STRIP2: variants seen among roughly 807,000 people sequenced by gnomAD.
STRIP2 encodes the protein striatin-interacting protein 2.
A neutral mutation model predicts 107.1 loss-of-function variants in STRIP2; 84 were observed. The observed-to-expected ratio is 0.78, with a 90% confidence interval of 0.66 to 0.94. The LOEUF (loss-of-function observed/expected upper bound fraction) is 0.94, where lower values mean the gene tolerates loss of function less well. Among genes scored for constraint, STRIP2 ranks in the 40% least tolerant of loss-of-function variants. The pLI is 0.00. For synonymous variants in STRIP2, 394 were observed against 400.4 expected (o/e 0.98, Z 0.19); for missense variants, 888 against 1,034.2 (o/e 0.86, Z 1.94).
intron 18 of STRIP2, among the ~76,000 whole-genome samples, chr7:129,472,815 C>G (rs1319381764): frequency 1.2e-5 from 1 of 85,032 alleles, no homozygotes; most frequent in East Asian, 4.3e-4. Context: ...GAGACAGAGT[C>G]TTGTGCTGTC....
At chr7:129,478,434 C>T (rs965958532) in intron 18 of STRIP2, among the ~76,000 whole-genome samples, 5 of 152,016 alleles carry the variant, frequency 3.3e-5, no homozygotes, top group Non-Finnish European at 2.9e-5. Flanking sequence ...CGCTTGAACC[C>T]GGGAGGCAGA....
chr7:129,473,281 G>T (rs1798836850), intron 18 of STRIP2, among the ~76,000 whole-genome samples: 1 of 152,058 alleles, frequency 6.6e-6, no homozygotes, highest in African/African-American at 2.4e-5. Flanking sequence ...ACAAAACTAA[G>T]ACTTTATACA....
chr7:129,446,593 G>T lies in STRIP2; in HGVS notation c.274+2495G>T, dbSNP rs576089435. ...TAGTGCTGCAGCCATCCACTTTCAG[G>T]TGGTGCCTGCATATCGTGCAGAACC... On this transcript the variant is annotated intron_variant, in intron 3 of 20. Transcript: ENST00000249344. Among the ~76,000 whole-genome samples, 3 of 152,302 alleles carry T rather than the reference G, an allele frequency of 2.0e-5. No homozygotes were observed. In the East Asian group the frequency reaches 5.8e-4, roughly 29 times the overall value.
rs368928367 is a variant in STRIP2 at position 129,460,607 on chromosome 7, G to A, written c.1476+235G>A. 6 of 511,152 alleles carry A rather than the reference G, an allele frequency of 1.2e-5. No individual in the cohort carries two copies. In the East Asian group the frequency reaches 2.1e-4, roughly 18 times the overall value. The allele number at this position is 511,152 out of a possible 1,614,324, so 31.7% of individuals were successfully genotyped here. On this transcript the variant is annotated intron_variant, in intron 13 of 20. Coordinates refer to ENST00000249344, the MANE Select transcript of STRIP2 (RefSeq NM_020704.3). ...AATACAATGAAGAAAATTTAAACAG[G>A]ATGACATGAAAGAAGCATCAGTAGA...
rs780218934 is a variant in STRIP2, at chr7:129,434,533, GGC to G, written c.63_64del (p.Gly22GlnfsTer32). 6.6e-7 allele frequency: 1 copy of G among 1,518,346 alleles called. No individual in the cohort carries two copies. Among genetic ancestry groups the G allele is most frequent in the South Asian group, 1.2e-5 (1 of 82,102 alleles). The allele number at this position is 1,518,346 out of a possible 1,614,324, so 94.1% of individuals were successfully genotyped here. On this transcript the variant is annotated frameshift_variant, in exon 1 of 21. Coordinates refer to ENST00000249344, the MANE Select transcript of STRIP2 (RefSeq NM_020704.3). LOFTEE classifies it high-confidence loss of function. ...GCCCGCAAATGGCAATGGCAACGGC[GGC>G]GGCAAAGGGAAGCAGGCGGCGCCCA... ...GPPANGNGNG[G>X]GKGKQAAPKG...
rs1371814236 is a variant in STRIP2, at chr7:129,460,384, A to G, written c.1476+12A>G. ...GCCCTATGTCTTTGGTGAGCCAAGG[A>G]AGCCCTACACAGGAGGAGAGTAGAA... On this transcript the variant is annotated intron_variant, in intron 13 of 20. Coordinates refer to ENST00000249344, the MANE Select transcript of STRIP2 (RefSeq NM_020704.3). The G allele has an allele frequency of 1.9e-6, 3 of 1,612,320 alleles. No individual in the cohort carries two copies. The highest frequency in any genetic ancestry group is 2.5e-6 in the Non-Finnish European group (3 of 1,179,002).
intron 14 of STRIP2, among the ~76,000 whole-genome samples, chr7:129,463,841 G>T (rs1175843310): frequency 1.3e-5 from 2 of 152,186 alleles, no homozygotes. Flanking sequence ...ACTCCCTCTG[G>T]CTTTCTCCCT....
intron 18 of STRIP2, among the ~76,000 whole-genome samples, chr7:129,478,971 C>A (rs937575966): frequency 1.3e-5 from 2 of 152,046 alleles, no homozygotes; most frequent in Non-Finnish European, 2.9e-5. Flanking sequence ...GTTTCCCTTG[C>A]GTCTTAAAAA....
intron 18 of STRIP2, among the ~76,000 whole-genome samples, chr7:129,475,568 C>CTTTTTTTTTTTTTTTTTTTTTTTTTT (rs1193913684): frequency 4.0e-5 from 4 of 99,304 alleles, no homozygotes; most frequent in Admixed American, 2.2e-4. Flanking sequence ...TTTTTTTTTT[C>CTTTTTTTTTTTTTTTTTTTTTTTTTT]TTTTTATTTT....
At chr7:129,450,918 CTTTTTTTTTTTTTTTTT>C (rs758536953) in intron 3 of STRIP2, among the ~76,000 whole-genome samples, 117 of 54,506 alleles carry the variant, frequency 2.1e-3, no homozygotes, top group African/African-American at 8.5e-3. Flanking sequence ...GAGAAAGGTC[CTTTTTTTTTTTTTTTTT>C]TTTTTTTTTT....
intron 18 of STRIP2, among the ~76,000 whole-genome samples, chr7:129,479,062 G>A (rs1415958042): frequency 2.0e-5 from 3 of 152,102 alleles, no homozygotes; most frequent in African/African-American, 7.2e-5. Flanking sequence ...ATCACCTGAG[G>A]TTGGGAGTTC....
intron 1 of STRIP2, among the ~76,000 whole-genome samples, chr7:129,436,127 A>G (rs531964327): frequency 6.6e-6 from 1 of 152,172 alleles, no homozygotes; most frequent in Non-Finnish European, 1.5e-5. Flanking sequence ...TCTCGTTCAA[A>G]TGTTTTTTTG....
At chr7:129,444,921 C>T (rs1000558340) in intron 3 of STRIP2, among the ~76,000 whole-genome samples, 12 of 152,214 alleles carry the variant, frequency 7.9e-5, no homozygotes, top group African/African-American at 2.2e-4. Context: ...AGTGTATACA[C>T]GCACAAACAT....
In STRIP2 at chr7:129,454,440, T is replaced by C; in HGVS notation, c.619T>C (p.Tyr207His). 1 of 1,613,956 alleles carries C rather than the reference T, an allele frequency of 6.2e-7. No individual in the cohort carries two copies. The highest frequency in any genetic ancestry group is 8.5e-7 in the Non-Finnish European group (1 of 1,179,872). ...TELRVLLSVMYLMVENIRLER... is the reference protein window; with the variant it reads ...TELRVLLSVMHLMVENIRLER... The stretch of plus-strand genomic sequence containing the variant: ...CCCCAGGGTGCTGCTGAGTGTTATG[T>C]ACCTAATGGTGGAAAATATTCGCCT... Residue 207 changes from tyrosine to histidine, a missense_variant, in exon 7 of 21, where the codon TAC becomes CAC. Physicochemically the swap from Tyr to His is moderately conservative, Grantham distance 83. Coordinates refer to ENST00000249344, the MANE Select transcript of STRIP2 (RefSeq NM_020704.3).
intron 18 of STRIP2, among the ~76,000 whole-genome samples, chr7:129,480,434 T>C (rs1314124893): frequency 6.6e-6 from 1 of 152,190 alleles, no homozygotes; most frequent in Non-Finnish European, 1.5e-5. Context: ...ATTACAAACA[T>C]AGTTTATATA....
chr7:129,440,209 T>C (rs1427131706), intron 2 of STRIP2, 118 bp downstream of exon 2: 8 of 790,660 alleles, frequency 1.0e-5, no homozygotes, highest in Admixed American at 2.2e-5. Flanking sequence ...CAAAGGCTGT[T>C]CTCCACATTC....
At chr7:129,453,941 G>A (rs879484636) in intron 5 of STRIP2, among the ~76,000 whole-genome samples, 1 of 152,212 alleles carries the variant, frequency 6.6e-6, no homozygotes, top group African/African-American at 2.4e-5. Flanking sequence ...CACAGATCCT[G>A]CCCTTGCCTT....
At position 129,453,120 on chromosome 7, in the gene STRIP2, A is replaced by G. The variant is rs192102683; in HGVS notation, c.410-107A>G. On this transcript the variant is annotated intron_variant, in intron 4 of 20. Transcript: ENST00000249344. ...CCCCTGTCATACCTATGTCAGCCTA[A>G]TTATTAGGCAGAGTATTATAGGAAA... 24 of 1,500,502 alleles carry G rather than the reference A, an allele frequency of 1.6e-5. No individual in the cohort carries two copies. The East Asian group carries it at 4.8e-4, about 30-fold the overall frequency. 92.9% of individuals were successfully genotyped at this position (1,500,502 alleles called of 1,614,324 possible).
intron 18 of STRIP2, among the ~76,000 whole-genome samples, chr7:129,471,715 T>C (rs921177262): frequency 1.3e-5 from 2 of 152,184 alleles, no homozygotes; most frequent in African/African-American, 4.8e-5. Flanking sequence ...ATGAGAAACC[T>C]GAAGGCCCAG....
Sources: gnomAD v4.1 joint callset for allele counts (sites outside exome capture counted in the v4.1 genomes callset) on GRCh38, gnomAD v4.1.1 for gene constraint, MANE v1.5 for transcripts, NCBI Gene and HGNC (gene_info 2026-07-23, HGNC 2026-07-21) for gene names.